BUB1: variants seen among roughly 807,000 people sequenced by gnomAD.
BUB1 encodes the protein BUB1 mitotic checkpoint serine/threonine kinase.
A neutral mutation model predicts 135.2 loss-of-function variants in BUB1; 84 were observed. The observed-to-expected ratio is 0.62, with a 90% confidence interval of 0.52 to 0.74. BUB1 has a LOEUF of 0.74. BUB1 is among the 30% of genes least tolerant of loss of function. The probability of loss-of-function intolerance (pLI) is 0.00; values close to 1 mark genes in which losing one functional copy is unlikely to be tolerated. For synonymous variants in BUB1, 403 were observed against 434.4 expected (o/e 0.93, Z 0.90); for missense variants, 1,162 against 1,288.3 (o/e 0.90, Z 1.50).
intron 16 of BUB1, 78 bp from the exon 17 acceptor site, chr2:110,653,601 A>G: frequency 6.6e-6 from 8 of 1,207,992 alleles, no homozygotes; most frequent in Non-Finnish European, 9.7e-6. Flanking sequence ...ATATGGTTAC[A>G]AAGTCTAGGA....
At chr2:110,647,556 TA>T (rs532404356) in intron 19 of BUB1, among the ~76,000 whole-genome samples, 95 of 147,500 alleles carry the variant, frequency 6.4e-4, no homozygotes, top group Non-Finnish European at 9.9e-4. Flanking sequence ...CACTTATGAT[TA>T]AAAAAAAAAC....
chr2:110,647,352 C>T (rs1055400221), intron 19 of BUB1, among the ~76,000 whole-genome samples: 5 of 152,088 alleles, frequency 3.3e-5, no homozygotes, highest in African/African-American at 9.6e-5. Context: ...TAAGTAAATC[C>T]AATCCAACAA....
chr2:110,647,513 T>C (rs1163528210), intron 19 of BUB1, among the ~76,000 whole-genome samples: 2 of 151,782 alleles, frequency 1.3e-5, no homozygotes, highest in Non-Finnish European at 2.9e-5. Context: ...GCAGAAAATA[T>C]TGAAAGGAGC....
In BUB1 at chr2:110,658,616, A is replaced by C. The variant is rs1559169951; in HGVS notation, c.1403T>G (p.Leu468Ter). The C allele has an allele frequency of 6.2e-7, 1 of 1,614,102 alleles. No homozygotes were observed. The highest frequency in any genetic ancestry group is 8.5e-7 in the Non-Finnish European group (1 of 1,180,048). Residue 468 changes from leucine to a stop codon, truncating the protein, a stop_gained and splice_region_variant, in exon 12 of 25, where the codon TTA becomes TGA. Coordinates refer to ENST00000302759, the MANE Select transcript of BUB1 (RefSeq NM_004336.5). LOFTEE classifies it high-confidence loss of function. ...PSPTVHTKEA[L>*]GFIMNMFQAP... ...CACACTCAGATAAAATACTTTACCT[A>C]ATGCTTCTTTTGTGTGCACGGTGGG... is the stretch of plus-strand genomic sequence containing the variant.
At chr2:110,643,923 A>C (rs1689570664) in intron 19 of BUB1, among the ~76,000 whole-genome samples, 1 of 152,068 alleles carries the variant, frequency 6.6e-6, no homozygotes. Flanking sequence ...AAGCAAAAAA[A>C]GGTGCTAGAA....
intron 19 of BUB1, among the ~76,000 whole-genome samples, chr2:110,647,357 C>A (rs899728961): frequency 9.9e-5 from 15 of 152,018 alleles, no homozygotes; most frequent in Non-Finnish European, 1.9e-4. Flanking sequence ...AAATCCAATC[C>A]AACAATGTAG....
chr2:110,649,391 G>GAAAAAAAAAAAAAAAAAA lies in BUB1; in HGVS notation c.2204-15_2204-14insTTTTTTTTTTTTTTTTTT, dbSNP rs375788995. The GAAAAAAAAAAAAAAAAAA allele has an allele frequency of 1.3e-6, 1 of 781,398 alleles. No homozygotes were observed. The highest frequency in any genetic ancestry group is 1.7e-6 in the Non-Finnish European group (1 of 597,914). The allele number at this position is 781,398 out of a possible 1,614,324, so 48.4% of individuals were successfully genotyped here. The stretch of plus-strand genomic sequence containing the variant: ...CAACAATGAAGTCTTAAAGGAATGA[G>GAAAAAAAAAAAAAAAAAA]AAAAAAAAAAAAAAAGGGAACATGA... On this transcript the variant is annotated splice_polypyrimidine_tract_variant and intron_variant, in intron 18 of 24. Transcript: ENST00000302759.
At chr2:110,664,082 T>G (rs1269700733) in intron 9 of BUB1, among the ~76,000 whole-genome samples, 2 of 145,298 alleles carry the variant, frequency 1.4e-5, no homozygotes, top group Non-Finnish European at 3.0e-5. Flanking sequence ...TAAGGCAATC[T>G]CAAAGAAAAT....
At chr2:110,676,704 T>C (rs1289016524) in intron 1 of BUB1, 1 of 152,198 alleles carries the variant, frequency 6.6e-6, no homozygotes, top group African/African-American at 2.4e-5. Flanking sequence ...GCAGCGTATA[T>C]ATATACTGTT....
At chr2:110,649,134 G>A (rs773320043) in intron 19 of BUB1, 100 bp downstream of exon 19, 19 of 1,165,312 alleles carry the variant, frequency 1.6e-5, no homozygotes, top group East Asian at 2.5e-5. Flanking sequence ...AGGTTGGGGG[G>A]CAAATAGGAG....
At chr2:110,667,399 G>A in intron 8 of BUB1, 122 bp downstream of exon 8, 1 of 1,055,684 alleles carries the variant, frequency 9.5e-7, no homozygotes, top group Non-Finnish European at 1.3e-6. Context: ...CTGATAGGAT[G>A]AGATGAAGAC....
intron 9 of BUB1, among the ~76,000 whole-genome samples, chr2:110,662,566 G>A (rs1460997746): frequency 6.6e-6 from 1 of 152,212 alleles, no homozygotes; most frequent in Non-Finnish European, 1.5e-5. Flanking sequence ...TTGGGAGACC[G>A]AGGCTGGTGG....
chr2:110,646,052 C>G (rs1056434516), intron 19 of BUB1, among the ~76,000 whole-genome samples: 2 of 150,832 alleles, frequency 1.3e-5, no homozygotes, highest in African/African-American at 4.9e-5. Flanking sequence ...GACAGATCAA[C>G]TGGGTGTGGT....
intron 9 of BUB1, among the ~76,000 whole-genome samples, chr2:110,664,985 G>A (rs1247415825): frequency 6.6e-6 from 1 of 152,188 alleles, no homozygotes; most frequent in East Asian, 1.9e-4. Context: ...TGAGTGCACA[G>A]TCCGAAGTTT....
rs1489191786 is a variant in BUB1, at chr2:110,661,643, CAGG to C, written c.1153_1155del (p.Pro385del). The C allele has an allele frequency of 3.1e-6, 5 of 1,614,170 alleles. No individual in the cohort carries two copies. The South Asian group carries it at 5.5e-5, about 18-fold the overall frequency. ...GTTACTGTCTGGGCTTTCAAAGGAA[CAGG>C]AGGAGCAATGCTCTGGCTGGTGGCT... On this transcript the variant is annotated inframe_deletion, in exon 10 of 25. Coordinates refer to ENST00000302759, the MANE Select transcript of BUB1 (RefSeq NM_004336.5).
chr2:110,641,108 T>C lies in BUB1; in HGVS notation c.2881A>G (p.Ile961Val). 6.2e-7 allele frequency: 1 copy of C among 1,613,682 alleles called. No individual in the cohort carries two copies. Among genetic ancestry groups the C allele is most frequent in the African/African-American group, 1.3e-5 (1 of 75,022 alleles). Residue 961 changes from isoleucine to valine, a missense_variant, in exon 23 of 25, where the codon ATA (isoleucine) becomes GTA (valine). Coordinates refer to ENST00000302759, the MANE Select transcript of BUB1 (RefSeq NM_004336.5). ...GATGTTTCACACTTTGCTGTGAATA[T>C]AGTTCCTTTTGGAAAAAGTTTCATA... ...IDMKLFPKGTIFTAKCETSGF... is the reference protein window; with the variant it reads ...IDMKLFPKGTVFTAKCETSGF...
intron 9 of BUB1, among the ~76,000 whole-genome samples, chr2:110,664,504 C>T (rs368355367): frequency 2.6e-5 from 4 of 151,596 alleles, no homozygotes; most frequent in East Asian, 3.9e-4. Context: ...CCAAATGTGA[C>T]GGTAAAATAA....
Position 110,666,283 on chromosome 2 carries a change from C to A in BUB1, c.937G>T (p.Ala313Ser). The A allele has an allele frequency of 6.9e-7, 1 of 1,447,072 alleles. No homozygotes were observed. Among genetic ancestry groups the A allele is most frequent in the Non-Finnish European group, 9.1e-7 (1 of 1,092,988 alleles). 89.6% of individuals were successfully genotyped at this position (1,447,072 alleles called of 1,614,324 possible). ...CATACCTCGGACCTTTCCTGGGAAGCGGGCAGATCCTCATGGGATGTCTCC... is the reference window on the plus strand; with the variant it reads ...CATACCTCGGACCTTTCCTGGGAAGAGGGCAGATCCTCATGGGATGTCTCC... ...VVETSHEDLPASQERSEVNPA... is the reference protein window; with the variant it reads ...VVETSHEDLPSSQERSEVNPA... The change falls in exon 9 of 25, where the codon GCT becomes TCT. Residue 313 changes from alanine (A) to serine (S), a missense_variant. By Grantham distance (99) the Ala-to-Ser change is moderately conservative (BLOSUM62 1). Transcript: ENST00000302759.
intron 4 of BUB1, among the ~76,000 whole-genome samples, chr2:110,671,645 T>C (rs1690426841): frequency 6.6e-6 from 1 of 152,212 alleles, no homozygotes; most frequent in East Asian, 1.9e-4. Context: ...ACTCTTCATA[T>C]ACTCTTTGAC....
Sources: allele counts gnomAD v4.1 joint callset (sites outside exome capture counted in the v4.1 genomes callset), GRCh38; gene constraint gnomAD v4.1.1; transcripts MANE v1.5; gene names NCBI Gene and HGNC (gene_info 2026-07-23, HGNC 2026-07-21).